The following RASGRF1 variants were observed in gnomAD, a reference collection of about 807,000 sequenced individuals.
RASGRF1 encodes the protein Ras protein specific guanine nucleotide releasing factor 1, also known as ras-specific guanine nucleotide-releasing factor 1.
In RASGRF1, 40 loss-of-function variants were observed where a neutral mutation model predicts 138.7. The ratio of observed to expected loss-of-function variants is 0.29; its 90% CI spans 0.22 to 0.38. The LOEUF (loss-of-function observed/expected upper bound fraction) is 0.38, where lower values mean the gene tolerates loss of function less well. Ranked by LOEUF, RASGRF1 falls within the 10% of genes least tolerant of loss-of-function variation. The pLI is 1.00. For synonymous variants in RASGRF1, 614 were observed against 663.2 expected (o/e 0.93, Z 1.14); for missense variants, 1,108 against 1,650.4 (o/e 0.67, Z 5.69).
At chr15:79,058,994 C>T (rs909783759) in intron 2 of RASGRF1, among the ~76,000 whole-genome samples, 3 of 152,176 alleles carry the variant, frequency 2.0e-5, no homozygotes, top group Admixed American at 1.3e-4. Context: ...TCGTTAGTCT[C>T]TTCTTACTAA....
intron 22 of RASGRF1, 197 bp downstream of exon 22, chr15:78,989,992 C>T (rs2056235786): frequency 2.1e-5 from 13 of 607,796 alleles, no homozygotes; most frequent in Non-Finnish European, 3.5e-5. Flanking sequence ...GTTCCATGGT[C>T]AGCCCCACTT....
intron 1 of RASGRF1, among the ~76,000 whole-genome samples, chr15:79,065,570 G>C (rs1274137885): frequency 1.3e-5 from 2 of 152,056 alleles, no homozygotes; most frequent in African/African-American, 4.8e-5. Flanking sequence ...GGGCTCTGAG[G>C]GGCCAGCTCC....
At chr15:79,018,753 C>A (rs1336157049) in intron 11 of RASGRF1, among the ~76,000 whole-genome samples, 4 of 152,178 alleles carry the variant, frequency 2.6e-5, no homozygotes, top group African/African-American at 9.7e-5. Flanking sequence ...TGGGACTGTG[C>A]TGGAGTCTCT....
In RASGRF1 at chr15:79,006,501, C is replaced by T. The variant is rs2056677393; in HGVS notation, c.1827-67G>A. ...GGCATCTGAATGGCACCCACCAGGC[C>T]TGCTCATCACTGCTTCCCCCACACA... is the stretch of plus-strand genomic sequence containing the variant. On this transcript the variant is annotated intron_variant, in intron 13 of 26. Transcript: ENST00000558480. This position sits in a 1 kb window ranked among gnomAD's most constrained non-coding sequence, Gnocchi z 4.0. 6.6e-7 allele frequency: 1 copy of T among 1,518,440 alleles called. No homozygotes were observed. The highest frequency in any genetic ancestry group is 1.4e-5 in the African/African-American group (1 of 73,368). 94.1% of individuals were successfully genotyped at this position (1,518,440 alleles called of 1,614,324 possible).
chr15:79,071,500 C>T (rs2057754901), intron 1 of RASGRF1, among the ~76,000 whole-genome samples: 1 of 151,734 alleles, frequency 6.6e-6, no homozygotes, highest in South Asian at 2.1e-4. Context: ...GCTGGGACTA[C>T]AGGTGTGCGC....
chr15:79,012,101 A>G (rs972497019), intron 13 of RASGRF1, among the ~76,000 whole-genome samples: 2 of 152,144 alleles, frequency 1.3e-5, no homozygotes, highest in Non-Finnish European at 2.9e-5. Flanking sequence ...AGCCTCTAGA[A>G]TAGTTTGTCT....
intron 8 of RASGRF1, among the ~76,000 whole-genome samples, chr15:79,030,555 T>C (rs1294180841): frequency 6.6e-6 from 1 of 152,192 alleles, no homozygotes; most frequent in Non-Finnish European, 1.5e-5. Flanking sequence ...CACTTGGACA[T>C]TGAATTGGCA....
intron 12 of RASGRF1, among the ~76,000 whole-genome samples, chr15:79,017,067 C>A (rs1465389529): frequency 6.6e-6 from 1 of 152,212 alleles, no homozygotes; most frequent in Non-Finnish European, 1.5e-5. Flanking sequence ...TGTCCTGGGG[C>A]CTAAACCCCG....
intron 2 of RASGRF1, among the ~76,000 whole-genome samples, chr15:79,059,983 GACACACAGAC>G (rs2057579339): frequency 1.3e-4 from 1 of 7,778 alleles, no homozygotes; most frequent in African/African-American, 6.9e-4. Context: ...CACACACACA[GACACACAGAC>G]ACACACACAC....
At chr15:79,000,981 G>A (rs2056509139) in intron 16 of RASGRF1, among the ~76,000 whole-genome samples, 1 of 152,164 alleles carries the variant, frequency 6.6e-6, no homozygotes, top group South Asian at 2.1e-4. Flanking sequence ...GGGCTGCCTG[G>A]GAGGTGGGTC....
At chr15:78,993,372 A>T (rs1384201677) in intron 20 of RASGRF1, among the ~76,000 whole-genome samples, 3 of 127,610 alleles carry the variant, frequency 2.4e-5, no homozygotes, top group Non-Finnish European at 5.1e-5. Context: ...TGGTGTGTGT[A>T]GTGTGTGTGT....
In RASGRF1 at chr15:78,976,559, A is replaced by AACACACACACACACAC. The variant is rs58602180; in HGVS notation, c.3495-3155_3495-3140dup. ...GAGGGGACAAGAGAACACTCAATCA[A>AACACACACACACACAC]ACACACACACACACACACACACACA... On this transcript the variant is annotated intron_variant, in intron 24 of 26. Coordinates refer to ENST00000558480, the MANE Select transcript of RASGRF1 (RefSeq NM_001145648.3). 2.2e-3 allele frequency among the ~76,000 whole-genome samples: 333 copies of AACACACACACACACAC among 148,754 alleles called. 1 individual carries two copies. The highest frequency in any genetic ancestry group is 3.6e-3 in the Admixed American group (54 of 14,966).
At chr15:78,984,528 G>A (rs2056105421) in intron 23 of RASGRF1, 1 of 216,158 alleles carries the variant, frequency 4.6e-6, no homozygotes, top group Non-Finnish European at 9.4e-6. Flanking sequence ...ACACGTTCCA[G>A]GAAGCAGCTA....
At chr15:79,041,835 C>T (rs1425744813) in intron 5 of RASGRF1, among the ~76,000 whole-genome samples, 4 of 152,196 alleles carry the variant, frequency 2.6e-5, no homozygotes, top group Middle Eastern at 3.2e-3. Context: ...TGCCCCTCGT[C>T]ACCCTCCAGC....
chr15:78,962,170 G>T lies in RASGRF1; in HGVS notation c.3748C>A (p.Arg1250=). The T allele has an allele frequency of 6.3e-7, 1 of 1,586,606 alleles. No individual in the cohort carries two copies. Among genetic ancestry groups the T allele is most frequent in the East Asian group, 2.3e-5 (1 of 44,236 alleles). The stretch of plus-strand genomic sequence containing the variant: ...CAGGTGGGGAGTTTTGGTTCTATTC[G>T]GAGAGAAGACTCGTAGAGGCTTTCT... ...DEESLYESSL[R]IEPKLPT The change falls in exon 27 of 27, where the codon CGA becomes AGA. Residue 1250 remains arginine, a synonymous_variant. Transcript: ENST00000558480.
intron 20 of RASGRF1, among the ~76,000 whole-genome samples, chr15:78,994,924 ACCTTT>A (rs752653558): frequency 3.8e-5 from 5 of 131,202 alleles, no homozygotes; most frequent in East Asian, 2.2e-4. Context: ...CCCTTCCAGC[ACCTTT>A]TTTTTTTTTT....
intron 21 of RASGRF1, among the ~76,000 whole-genome samples, chr15:78,990,610 GT>G (rs747839594): frequency 5.3e-5 from 8 of 152,020 alleles, no homozygotes; most frequent in Non-Finnish European, 1.2e-4. Context: ...TATGAATCTT[GT>G]TTTCTGACAG....
At chr15:79,044,060 C>A (rs2057329143) in intron 5 of RASGRF1, among the ~76,000 whole-genome samples, 1 of 152,178 alleles carries the variant, frequency 6.6e-6, no homozygotes, top group Non-Finnish European at 1.5e-5. Flanking sequence ...GGCAGTCATG[C>A]CTGCTCAGGC....
rs2056642339 is a variant in RASGRF1, at chr15:79,005,195, G to T, written c.2075+991C>A. ...GTACCCTGCCCCAGTGAGGCCTGAG[G>T]TGGGGGCAGGAGGAGGGAACAGAAG... On this transcript the variant is annotated intron_variant, in intron 14 of 26. Transcript: ENST00000558480. 7 of 985,550 alleles carry T rather than the reference G, an allele frequency of 7.1e-6. No homozygotes were observed. In the South Asian group the frequency reaches 2.3e-4, roughly 33 times the overall value. The allele number at this position is 985,550 out of a possible 1,614,324, so 61.1% of individuals were successfully genotyped here.
Sources: allele counts gnomAD v4.1 joint callset (sites outside exome capture counted in the v4.1 genomes callset), GRCh38; gene constraint gnomAD v4.1.1; non-coding constraint Gnocchi (gnomAD v3.1); transcripts MANE v1.5; gene names NCBI Gene and HGNC (gene_info 2026-07-23, HGNC 2026-07-21).